The following AGRN variants were observed in gnomAD, a reference collection of about 807,000 sequenced individuals.
AGRN encodes the protein agrin.
In AGRN, 106 loss-of-function variants were observed where a neutral mutation model predicts 211.0. The observed-to-expected ratio is 0.50, with a 90% CI of 0.43 to 0.59. The LOEUF (loss-of-function observed/expected upper bound fraction) is 0.59. Among genes scored for constraint, AGRN ranks in the 20% least tolerant of loss-of-function variants. The pLI is 0.00. For synonymous variants in AGRN, 1,525 were observed against 1,332.5 expected (o/e 1.14, Z -3.15); for missense variants, 3,040 against 2,982.6 (o/e 1.02, Z -0.45).
At chr1:1,039,957 C>T (rs969673751) in intron 3 of AGRN, among the ~76,000 whole-genome samples, 1 of 152,168 alleles carries the variant, frequency 6.6e-6, no homozygotes, top group Non-Finnish European at 1.5e-5. Flanking sequence ...ATTTGCACTT[C>T]TCCAGGGAAG....
At position 1,051,549 on chromosome 1, in the gene AGRN, G is replaced by C; in HGVS notation, c.5467G>C (p.Gly1823Arg). The change falls in exon 32 of 36, where the codon GGC (glycine) becomes CGC (arginine). Residue 1823 changes from glycine to arginine, a missense_variant. Gly to Arg is a moderately radical substitution (Grantham distance 125). Around this residue, in one of 3 missense-constraint regions of AGRN, gnomAD observed 1,537 missense variants for 1,505.0 expected, o/e 1.02. Coordinates refer to ENST00000379370, the MANE Select transcript of AGRN (RefSeq NM_198576.4). ...FAGHPCTRAS[G>R]HPCLNGASCV... ...AGGTCACCCCTGCACCCGGGCCTCAGGCCACCCCTGCCTCAATGGGGCCTC... is the reference window on the plus strand; with the variant it reads ...AGGTCACCCCTGCACCCGGGCCTCACGCCACCCCTGCCTCAATGGGGCCTC... The C allele has an allele frequency of 6.3e-7, 1 of 1,575,310 alleles. No individual in the cohort carries two copies.
At position 1,048,530 on chromosome 1, in the gene AGRN, G is replaced by T; in HGVS notation, c.4105+165G>T. On this transcript the variant is annotated intron_variant, in intron 23 of 35. Coordinates refer to ENST00000379370, the MANE Select transcript of AGRN (RefSeq NM_198576.4). The surrounding 1 kb of genome is among the most constrained non-coding windows in gnomAD (Gnocchi z 5.9). ...TCACGCCTGTAATCCCAGCACTTTG[G>T]GAGGCCGAGGCAGGCGGATCACCTG... The T allele has an allele frequency of 1.5e-6, 1 of 656,060 alleles. No homozygotes were observed. Among genetic ancestry groups the T allele is most frequent in the Non-Finnish European group, 2.5e-6 (1 of 401,910 alleles). 40.6% of individuals were successfully genotyped at this position (656,060 alleles called of 1,614,324 possible). A position where few individuals can be genotyped will look rare whatever the true frequency, so the allele number is the denominator to read the frequency against.
chr1:1,050,099 A>C (rs1341646809), intron 27 of AGRN, 62 bp downstream of exon 27: 1 of 1,563,676 alleles, frequency 6.4e-7, no homozygotes. Context: ...GGGCGGGTAC[A>C]GGTTCCAGGT....
chr1:1,034,611 T>C, intron 2 of AGRN: 1 of 986,570 alleles, frequency 1.0e-6, no homozygotes, highest in Non-Finnish European at 1.2e-6. Context: ...GCCTCCCTGC[T>C]GGTGCGAGGC....
chr1:1,052,751 GCATGGGTCCATGTGTGTATAGTGTGTGCA>G (rs1274585489), intron 33 of AGRN: 2 of 154,532 alleles, frequency 1.3e-5, no homozygotes, highest in Non-Finnish European at 2.8e-5. Flanking sequence ...GAGTGTGTGT[GCATGGGTCCATGTGTGTATAGTGTGTGCA>G]CATGGGTCCA....
At position 1,041,542 on chromosome 1, in the gene AGRN, C is replaced by T. The variant is rs753947795; in HGVS notation, c.1017C>T (p.Arg339=). 1.7e-5 allele frequency: 28 copies of T among 1,606,672 alleles called. No individual in the cohort carries two copies. The highest frequency in any genetic ancestry group is 2.4e-5 in the Non-Finnish European group (28 of 1,179,200). Residue 339 remains arginine, a synonymous_variant, in exon 6 of 36, where the codon CGC becomes CGT. Coordinates refer to ENST00000379370, the MANE Select transcript of AGRN (RefSeq NM_198576.4). The stretch of plus-strand genomic sequence containing the variant: ...GCCGTGTGAACCCGCGCACGCGGCG[C>T]CCTGAGATGCTCCTACGGCCCGAGA... ...RSCRVNPRTR[R]PEMLLRPESC...
intron 19 of AGRN, 86 bp from the exon 20 acceptor site, chr1:1,047,241 T>C: frequency 2.0e-6 from 3 of 1,526,228 alleles, no homozygotes; most frequent in African/African-American, 1.4e-5. Context: ...CCTTGCACCC[T>C]TGTGGCTTGC....
intron 2 of AGRN, among the ~76,000 whole-genome samples, chr1:1,022,843 G>A (rs1048228924): frequency 3.9e-5 from 6 of 152,256 alleles, no homozygotes; most frequent in East Asian, 1.9e-4. Context: ...AGACGGGCCC[G>A]CGTGTCGAGC....
intron 17 of AGRN, 26 bp downstream of exon 17, chr1:1,046,291 G>C (rs750375974): frequency 1.7e-5 from 27 of 1,612,906 alleles, no homozygotes; most frequent in Non-Finnish European, 2.3e-5. Flanking sequence ...CACTGCCCCA[G>C]AACTGACCAG....
At chr1:1,020,947 C>T (rs111893801) in intron 1 of AGRN, among the ~76,000 whole-genome samples, 6,836 of 151,242 alleles carry the variant, frequency 0.045, 222 homozygotes, top group Non-Finnish European at 0.066. Flanking sequence ...CTGCGGGAAC[C>T]GGGGCTCCCC....
In AGRN at chr1:1,051,828, C is replaced by A; in HGVS notation, c.5651+13C>A. On this transcript the variant is annotated intron_variant, in intron 33 of 35. Transcript: ENST00000379370. ...CTGTGACCGAGAGGTAACGTGCCAT[C>A]CTCTGCTGGCTGTCGGTTCCATCTG... 1.2e-6 allele frequency: 2 copies of A among 1,613,404 alleles called. No homozygotes were observed. Among genetic ancestry groups the A allele is most frequent in the Non-Finnish European group, 1.7e-6 (2 of 1,179,882 alleles).
chr1:1,029,625 CAGCATGT>C, intron 2 of AGRN, among the ~76,000 whole-genome samples: 1 of 98,556 alleles, frequency 1.0e-5, no homozygotes, highest in Non-Finnish European at 2.0e-5. Flanking sequence ...GCTGTGAGAT[CAGCATGT>C]GTGTGTGTGT....
chr1:1,029,647 A>T (rs1383198770), intron 2 of AGRN, among the ~76,000 whole-genome samples: 4 of 67,840 alleles, frequency 5.9e-5, no homozygotes, highest in African/African-American at 1.4e-4. Flanking sequence ...GTGTGTGTGC[A>T]GTGCATGGTG....
chr1:1,021,576 G>A lies in AGRN; in HGVS notation c.202-625G>A, dbSNP rs889170828. Among the ~76,000 whole-genome samples, 6 of 152,236 alleles carry A rather than the reference G, an allele frequency of 3.9e-5. No individual in the cohort carries two copies. The East Asian group carries it at 7.7e-4, about 20-fold the overall frequency. On this transcript the variant is annotated intron_variant, in intron 1 of 35. Transcript: ENST00000379370. ...CGTGAGTGCGTGGGTCCCTGTCCCC[G>A]TGAGGGCCGCCAGGTCGGCTGTAGC...
chr1:1,034,364 C>T (rs997509012), intron 2 of AGRN: 34 of 985,422 alleles, frequency 3.5e-5, no homozygotes, highest in Middle Eastern at 5.2e-4. Context: ...CCTCCTCCCA[C>T]GATGAGCCTG....
intron 2 of AGRN, among the ~76,000 whole-genome samples, chr1:1,025,330 C>T (rs887951706): frequency 3.9e-5 from 6 of 152,170 alleles, no homozygotes; most frequent in Non-Finnish European, 7.4e-5. Flanking sequence ...CCCTGCCTGG[C>T]CAGCTGCCTA....
Position 1,040,711 on chromosome 1 carries a change from C to G in AGRN, c.558C>G (p.Asn186Lys). 6.5e-7 allele frequency: 1 copy of G among 1,547,346 alleles called. No homozygotes were observed. Among genetic ancestry groups the G allele is most frequent in the Non-Finnish European group, 8.7e-7 (1 of 1,147,004 alleles). Residue 186 changes from asparagine (N) to lysine (K), a missense_variant, in exon 4 of 36, where the codon AAC becomes AAG. Transcript: ENST00000379370. Reference sequence around the variant, plus strand: ...GCTTCGGCGCCGTGTGCGAGCCCAACGCGGAGGGGCCGGGCCGGGCGTCCT... The same window carrying G: ...GCTTCGGCGCCGTGTGCGAGCCCAAGGCGGAGGGGCCGGGCCGGGCGTCCT... Reference protein sequence around the residue: ...LCGFGAVCEPNAEGPGRASCV... With the variant: ...LCGFGAVCEPKAEGPGRASCV...
In AGRN at chr1:1,055,580, T is replaced by A; in HGVS notation, c.*599T>A. 5.7e-6 allele frequency: 1 copy of A among 176,064 alleles called. No homozygotes were observed. The highest frequency in any genetic ancestry group is 1.2e-5 in the Non-Finnish European group (1 of 82,486). The allele number at this position is 176,064 out of a possible 1,614,324, so 10.9% of individuals were successfully genotyped here. ...CGATCTGGGTGTCCTGACCCTCAGC[T>A]GGCCCTGCCCAGCCACCCTGGACGT... On this transcript the variant is annotated 3_prime_UTR_variant, in exon 36 of 36. Transcript: ENST00000379370.
At position 1,047,646 on chromosome 1, in the gene AGRN, G is replaced by A. The variant is rs1360277221; in HGVS notation, c.3590G>A (p.Gly1197Asp). Residue 1197 changes from glycine to aspartate, a missense_variant, in exon 21 of 36, where the codon GGC becomes GAC. By Grantham distance (94) the Gly-to-Asp change is moderately conservative. This residue lies in a region of AGRN where 1,537 missense variants were observed against 1,505.0 expected (regional missense o/e 1.02). Coordinates refer to ENST00000379370, the MANE Select transcript of AGRN (RefSeq NM_198576.4). Reference protein sequence around the residue: ...RSVRLRDLGPGKSVRAIVDVH... With the variant: ...RSVRLRDLGPDKSVRAIVDVH... Reference sequence around the variant, plus strand: ...GTCCGCTTGCGGGACCTGGGGCCCGGCAAATCCGTCCGCGCCATTGTGGAT... The same window carrying A: ...GTCCGCTTGCGGGACCTGGGGCCCGACAAATCCGTCCGCGCCATTGTGGAT... 1.2e-6 allele frequency: 2 copies of A among 1,612,982 alleles called. No individual in the cohort carries two copies. The highest frequency in any genetic ancestry group is 1.7e-6 in the Non-Finnish European group (2 of 1,180,036).
Sources: allele counts gnomAD v4.1 joint callset (sites outside exome capture counted in the v4.1 genomes callset), GRCh38; gene constraint gnomAD v4.1.1; regional missense constraint gnomAD v4.1.1; non-coding constraint Gnocchi (gnomAD v3.1); transcripts MANE v1.5; gene names NCBI Gene and HGNC (gene_info 2026-07-23, HGNC 2026-07-21).